CFAP61: variants seen among roughly 807,000 people sequenced by gnomAD.
CFAP61 encodes the protein cilia- and flagella-associated protein 61.
A neutral mutation model predicts 135.6 loss-of-function variants in CFAP61; 107 were observed. That is an observed-to-expected ratio of 0.79 (90% CI 0.67 to 0.93). The LOEUF (loss-of-function observed/expected upper bound fraction) is 0.93. Ranked by LOEUF, CFAP61 falls within the 40% of genes least tolerant of loss-of-function variation. The probability of loss-of-function intolerance (pLI) is 0.00; values close to 1 mark genes in which losing one functional copy is unlikely to be tolerated. For synonymous variants in CFAP61, 575 were observed against 578.5 expected (o/e 0.99, Z 0.09); for missense variants, 1,507 against 1,556.2 (o/e 0.97, Z 0.53).
chr20:20,188,143 A>G, intron 14 of CFAP61, 87 bp downstream of exon 14: 3 of 1,445,154 alleles, frequency 2.1e-6, no homozygotes, highest in Non-Finnish European at 2.9e-6. Context: ...CTTGGATCTG[A>G]GTTGGAAAAT....
In CFAP61 at chr20:20,298,271, C is replaced by T. The variant is rs745881621; in HGVS notation, c.3307C>T (p.Leu1103Phe). 1 of 1,614,052 alleles carries T rather than the reference C, an allele frequency of 6.2e-7. No homozygotes were observed. The highest frequency in any genetic ancestry group is 8.5e-7 in the Non-Finnish European group (1 of 1,179,966). ...TAAAATGGTGGAAACCATCACGTGCCTTTCTAGGGAGCCCTTCCCCGCCTC... is the reference window on the plus strand; with the variant it reads ...TAAAATGGTGGAAACCATCACGTGCTTTTCTAGGGAGCCCTTCCCCGCCTC... ...KYKMVETITCLSREPFPASNY... is the reference protein window; with the variant it reads ...KYKMVETITCFSREPFPASNY... Residue 1103 changes from leucine (L) to phenylalanine (F), a missense_variant, in exon 25 of 27, where the codon CTT (leucine) becomes TTT (phenylalanine). By Grantham distance (22) the Leu-to-Phe change is conservative. Transcript: ENST00000245957.
intron 17 of CFAP61, among the ~76,000 whole-genome samples, chr20:20,226,595 T>G (rs1166955659): frequency 1.3e-5 from 2 of 152,222 alleles, no homozygotes; most frequent in Non-Finnish European, 2.9e-5. Flanking sequence ...TCCTGTTCTA[T>G]TTCTGTGTGA....
intron 22 of CFAP61, among the ~76,000 whole-genome samples, chr20:20,284,578 C>T (rs1429934377): frequency 6.6e-6 from 1 of 152,184 alleles, no homozygotes; most frequent in Non-Finnish European, 1.5e-5. Flanking sequence ...AGCCACCGCG[C>T]CCGGCCTTCA....
chr20:20,076,399 C>T (rs2046053364), intron 6 of CFAP61, among the ~76,000 whole-genome samples: 1 of 152,178 alleles, frequency 6.6e-6, no homozygotes, highest in Non-Finnish European at 1.5e-5. Flanking sequence ...AGTTAGCTTC[C>T]ACTGCCTGTG....
intron 25 of CFAP61, among the ~76,000 whole-genome samples, chr20:20,321,156 G>A (rs990724233): frequency 6.6e-6 from 1 of 152,116 alleles, no homozygotes; most frequent in Non-Finnish European, 1.5e-5. Flanking sequence ...AACTATTTGG[G>A]AAATTGGGAG....
At chr20:20,269,081 A>G (rs2147025087) in intron 21 of CFAP61, among the ~76,000 whole-genome samples, 1 of 148,430 alleles carries the variant, frequency 6.7e-6, no homozygotes, top group African/African-American at 2.5e-5. Flanking sequence ...TGGCTTCTAA[A>G]AAGTAAAAAG....
intron 13 of CFAP61, among the ~76,000 whole-genome samples, chr20:20,181,450 C>G (rs1007029246): frequency 8.6e-5 from 13 of 151,886 alleles, no homozygotes; most frequent in Non-Finnish European, 1.6e-4. Context: ...TCAAAGTCAG[C>G]CAAAAACAGG....
rs143384962 is a variant in CFAP61 at position 20,124,588 on chromosome 20, C to T, written c.860-18269C>T. Among the ~76,000 whole-genome samples, 832 of 151,868 alleles carry T rather than the reference C, an allele frequency of 5.5e-3. 36 individuals carry two copies. Among genetic ancestry groups the T allele is most frequent in the African/African-American group, 0.019 (791 of 41,192 alleles). On this transcript the variant is annotated intron_variant, in intron 8 of 26. Coordinates refer to ENST00000245957, the MANE Select transcript of CFAP61 (RefSeq NM_015585.4). ...CCATCCCTGCATCCCTGGTATGAAACCCACTGGATCATGGTGGATTATCTT... is the reference window on the plus strand; with the variant it reads ...CCATCCCTGCATCCCTGGTATGAAATCCACTGGATCATGGTGGATTATCTT...
intron 17 of CFAP61, among the ~76,000 whole-genome samples, chr20:20,202,186 T>G (rs2056656604): frequency 6.6e-6 from 1 of 152,202 alleles, no homozygotes; most frequent in Non-Finnish European, 1.5e-5. Flanking sequence ...TGAGCCCTGG[T>G]GTATTTCAGC....
chr20:20,108,428 G>C (rs1402119317), intron 8 of CFAP61, among the ~76,000 whole-genome samples: 1 of 152,062 alleles, frequency 6.6e-6, no homozygotes, highest in Non-Finnish European at 1.5e-5. Context: ...CAAGGAGATG[G>C]CTAAACTTGT....
chr20:20,265,690 A>C, intron 21 of CFAP61: 1 of 557,240 alleles, frequency 1.8e-6, no homozygotes, highest in South Asian at 2.2e-5. Flanking sequence ...TGCTCTTAAC[A>C]CTGAAATGCT....
chr20:20,261,756 A>G (rs939683940), intron 20 of CFAP61, among the ~76,000 whole-genome samples: 2 of 152,074 alleles, frequency 1.3e-5, no homozygotes, highest in African/African-American at 4.8e-5. Flanking sequence ...CATACTCTAC[A>G]CTGGCAGCAA....
chr20:20,101,558 T>A (rs2048021349), intron 8 of CFAP61, among the ~76,000 whole-genome samples: 1 of 152,194 alleles, frequency 6.6e-6, no homozygotes, highest in Non-Finnish European at 1.5e-5. Context: ...GACAGAAAAC[T>A]CCAATGACGG....
chr20:20,286,183 A>G (rs2147059358), intron 22 of CFAP61, among the ~76,000 whole-genome samples: 1 of 152,340 alleles, frequency 6.6e-6, no homozygotes, highest in South Asian at 2.1e-4. Context: ...TCAGGAGGTT[A>G]TACCACCAAG....
intron 7 of CFAP61, among the ~76,000 whole-genome samples, chr20:20,093,654 C>T (rs1156743437): frequency 1.3e-5 from 2 of 151,980 alleles, no homozygotes; most frequent in African/African-American, 4.8e-5. Flanking sequence ...AGGCTGGTCT[C>T]AAACTCTTGG....
intron 24 of CFAP61, among the ~76,000 whole-genome samples, chr20:20,296,089 CTTT>C (rs1426361531): frequency 1.7e-4 from 6 of 34,874 alleles, no homozygotes; most frequent in Admixed American, 2.8e-4. Context: ...TTTCTTCCTT[CTTT>C]CCTTCCTTCC....
At chr20:20,054,020 T>TTTGTTTTG (rs1568779157) in intron 1 of CFAP61, among the ~76,000 whole-genome samples, 3 of 149,790 alleles carry the variant, frequency 2.0e-5, no homozygotes, top group African/African-American at 7.3e-5. Flanking sequence ...TTTGTTTTTT[T>TTTGTTTTG]TTTTTTTTTT....
At chr20:20,098,510 T>C (rs2146636363) in intron 7 of CFAP61, 145 bp from the exon 8 acceptor site, 1 of 654,378 alleles carries the variant, frequency 1.5e-6, no homozygotes, top group East Asian at 3.0e-5. Context: ...TGCGGGAGGC[T>C]GGGGAGAAGA....
intron 24 of CFAP61, among the ~76,000 whole-genome samples, chr20:20,290,892 G>T (rs1227189757): frequency 6.6e-6 from 1 of 152,076 alleles, no homozygotes; most frequent in East Asian, 1.9e-4. Flanking sequence ...ACTTATGAAA[G>T]GCCTTGAGCC....
Sources: allele counts gnomAD v4.1 joint callset (sites outside exome capture counted in the v4.1 genomes callset), GRCh38; gene constraint gnomAD v4.1.1; transcripts MANE v1.5; gene names NCBI Gene and HGNC (gene_info 2026-07-23, HGNC 2026-07-21).